The following B3GALNT2 variants were observed in gnomAD, a reference collection of about 807,000 sequenced individuals.
The protein encoded by B3GALNT2 is UDP-GalNAc:beta-1,3-N-acetylgalactosaminyltransferase 2.
In B3GALNT2, 53 loss-of-function variants were observed where a neutral mutation model predicts 61.1. The observed-to-expected ratio is 0.87, with a 90% CI of 0.70 to 1.09. B3GALNT2 has a LOEUF of 1.09. B3GALNT2 is among the 50% of genes least tolerant of loss of function. B3GALNT2 has a pLI of 0.00. For missense variants in B3GALNT2, 544 were observed against 623.0 expected (o/e 0.87, Z 1.35); for synonymous variants, 223 against 237.4 (o/e 0.94, Z 0.56).
intron 4 of B3GALNT2, 62 bp downstream of exon 4, chr1:235,484,260 A>G: frequency 6.6e-7 from 1 of 1,515,792 alleles, no homozygotes; most frequent in South Asian, 1.4e-5. Context: ...GTATGTCACA[A>G]GGAAAAGTTG....
intron 3 of B3GALNT2, among the ~76,000 whole-genome samples, chr1:235,486,832 C>T (rs1684830193): frequency 6.6e-6 from 1 of 152,014 alleles, no homozygotes; most frequent in Non-Finnish European, 1.5e-5. Flanking sequence ...CAGTGGATAC[C>T]ACATCAGTGA....
intron 9 of B3GALNT2, among the ~76,000 whole-genome samples, chr1:235,454,631 G>A (rs548999126): frequency 1.3e-5 from 2 of 152,032 alleles, no homozygotes; most frequent in East Asian, 3.9e-4. Context: ...GTAGAGACAG[G>A]GTTTTGCCAT....
intron 9 of B3GALNT2, among the ~76,000 whole-genome samples, chr1:235,454,987 T>C (rs1683096371): frequency 1.3e-5 from 2 of 152,202 alleles, no homozygotes; most frequent in Non-Finnish European, 1.5e-5. Context: ...TAACAAAATA[T>C]ACAGTAGCTT....
chr1:235,466,911 T>C (rs959808919), intron 6 of B3GALNT2, among the ~76,000 whole-genome samples: 8 of 152,184 alleles, frequency 5.3e-5, no homozygotes, highest in Non-Finnish European at 1.5e-5. Flanking sequence ...ACAGTATTTT[T>C]TCTACACCTT....
chr1:235,487,162 C>CAA (rs79026091), intron 3 of B3GALNT2, among the ~76,000 whole-genome samples: 6,299 of 127,110 alleles, frequency 0.05, 231 homozygotes, highest in African/African-American at 0.11. Flanking sequence ...ACTCTGTCTC[C>CAA]AAAAAAAAAA....
chr1:235,482,431 A>G (rs1684604331), intron 4 of B3GALNT2, among the ~76,000 whole-genome samples: 2 of 152,074 alleles, frequency 1.3e-5, no homozygotes, highest in South Asian at 2.1e-4. Flanking sequence ...AGAGAACCAC[A>G]AATTCTTCAT....
intron 3 of B3GALNT2, 45 bp downstream of exon 3, chr1:235,489,123 C>A: frequency 6.3e-7 from 1 of 1,599,434 alleles, no homozygotes; most frequent in South Asian, 1.1e-5. Context: ...AACTTTTACT[C>A]AACATCAAGC....
At chr1:235,462,116 A>G (rs1683467528) in intron 7 of B3GALNT2, among the ~76,000 whole-genome samples, 1 of 152,238 alleles carries the variant, frequency 6.6e-6, no homozygotes, top group African/African-American at 2.4e-5. Flanking sequence ...CATGGGTTCA[A>G]CAGGATGTAA....
chr1:235,480,078 G>A lies in B3GALNT2; in HGVS notation c.627C>T (p.Pro209=), dbSNP rs368703291. Residue 209 remains proline, a synonymous_variant, in exon 5 of 12, where the codon CCC becomes CCT. Coordinates refer to ENST00000366600, the MANE Select transcript of B3GALNT2 (RefSeq NM_152490.5). ...GVQVNKLWYK[P]VEQFILPESF... ...CCTCTGGTAAGATGAATTGTTCCAC[G>A]GGCTTGTACCACAGCTTGTTCACCT... is the stretch of plus-strand genomic sequence containing the variant. 63 of 1,613,828 alleles carry A rather than the reference G, an allele frequency of 3.9e-5. No individual in the cohort carries two copies. Among genetic ancestry groups the A allele is most frequent in the Middle Eastern group, 1.7e-4 (1 of 6,056 alleles).
rs563390691 is a variant in B3GALNT2, at chr1:235,454,504, T to C, written c.1152-189A>G. 3.6e-4 allele frequency among the ~76,000 whole-genome samples: 55 copies of C among 152,244 alleles called. 1 individual carries two copies. The highest frequency in any genetic ancestry group is 6.2e-4 in the South Asian group (3 of 4,830). ...CTCAGGCTGGAGTGTAGTGGTGCCA[T>C]CTCGGCTCACTGCAACCTCTGCCTC... On this transcript the variant is annotated intron_variant, in intron 9 of 11. Coordinates refer to ENST00000366600, the MANE Select transcript of B3GALNT2 (RefSeq NM_152490.5).
chr1:235,467,483 CTTTT>C (rs373792377), intron 6 of B3GALNT2, among the ~76,000 whole-genome samples: 4 of 116,592 alleles, frequency 3.4e-5, no homozygotes, highest in African/African-American at 7.1e-5. Context: ...TACTTATTTA[CTTTT>C]TTTTTTTTTT....
intron 5 of B3GALNT2, among the ~76,000 whole-genome samples, chr1:235,478,448 A>G (rs750660778): frequency 6.6e-6 from 1 of 152,242 alleles, no homozygotes; most frequent in African/African-American, 2.4e-5. Flanking sequence ...AGGATGTAGG[A>G]AAACAGGCAC....
chr1:235,441,516 A>G, the B3GALNT2 span: 1 of 409,734 alleles, frequency 2.4e-6, no homozygotes, highest in East Asian at 4.9e-5. Context: ...ACAATGATGT[A>G]ATACACATGT....
At chr1:235,440,518 G>C in the B3GALNT2 span, among the ~76,000 whole-genome samples, 1 of 152,002 alleles carries the variant, frequency 6.6e-6, no homozygotes, top group East Asian at 1.9e-4. Flanking sequence ...TCAGCCTCCT[G>C]AGAAGCTGGG....
chr1:235,443,049 C>A, downstream of B3GALNT2: 6 of 840,560 alleles, frequency 7.1e-6, no homozygotes, highest in Non-Finnish European at 1.9e-6. Context: ...CTTTTATATT[C>A]TAAAATACAA....
downstream of B3GALNT2, among the ~76,000 whole-genome samples, chr1:235,445,806 T>C (rs771943156): frequency 3.3e-5 from 5 of 152,186 alleles, no homozygotes; most frequent in Non-Finnish European, 7.3e-5. Flanking sequence ...AAGCATTGTA[T>C]CTTGCAGCAT....
chr1:235,504,152 G>A lies in B3GALNT2; in HGVS notation c.101C>T (p.Ala34Val), dbSNP rs1685722391. 2 of 1,286,006 alleles carry A rather than the reference G, an allele frequency of 1.6e-6. No individual in the cohort carries two copies. Among genetic ancestry groups the A allele is most frequent in the South Asian group, 2.5e-5 (1 of 39,614 alleles). 79.7% of individuals were successfully genotyped at this position (1,286,006 alleles called of 1,614,324 possible). Residue 34 changes from alanine to valine, a missense_variant, in exon 1 of 12, where the codon GCC becomes GTC. Physicochemically the swap from Ala to Val is moderately conservative, Grantham distance 64. Transcript: ENST00000366600. ...CCCCAGGACCTCACCTGCAGGGCCGGCCCCGGAGGCGCAGGCGGGCGGCGG... is the reference window on the plus strand; with the variant it reads ...CCCCAGGACCTCACCTGCAGGGCCGACCCCGGAGGCGCAGGCGGGCGGCGG... ...RSPPPACASG[A>V]GPADQLALFP...
At chr1:235,444,806 T>C (rs1027319584), downstream of B3GALNT2, among the ~76,000 whole-genome samples, 2 of 152,258 alleles carry the variant, frequency 1.3e-5, no homozygotes, top group Non-Finnish European at 2.9e-5. Context: ...GTTACCACTA[T>C]AGAGTATTTG....
chr1:235,439,892 C>A, the B3GALNT2 span, among the ~76,000 whole-genome samples: 1 of 152,124 alleles, frequency 6.6e-6, no homozygotes, highest in African/African-American at 2.4e-5. Context: ...ACCTCCACCT[C>A]CTGGGTTCAA....
Sources: gnomAD v4.1 joint callset for allele counts (sites outside exome capture counted in the v4.1 genomes callset) on GRCh38, gnomAD v4.1.1 for gene constraint, MANE v1.5 for transcripts, NCBI Gene and HGNC (gene_info 2026-07-23, HGNC 2026-07-21) for gene names.